The following RBM19 variants were observed in gnomAD, a reference collection of about 807,000 sequenced individuals.
The protein encoded by RBM19 is RNA binding motif protein 19, also known as probable RNA-binding protein 19.
RBM19 carries 94 observed loss-of-function variants against 116.8 expected under a neutral mutation model. The ratio of observed to expected loss-of-function variants is 0.80; its 90% CI spans 0.68 to 0.95. The LOEUF is 0.95. Ranked by LOEUF, RBM19 falls within the 40% of genes least tolerant of loss-of-function variation. The pLI, the probability that RBM19 is intolerant of heterozygous loss-of-function variation, is 0.00. For missense variants in RBM19, 1,161 were observed against 1,220.7 expected, an observed-to-expected ratio of 0.95 and a Z score of 0.73; for synonymous variants, 475 against 494.1, an observed-to-expected ratio of 0.96 and a Z score of 0.51.
At chr12:113,936,781 C>T in intron 16 of RBM19, 1 of 485,584 alleles carries the variant, frequency 2.1e-6, no homozygotes, top group Non-Finnish European at 3.5e-6. Context: ...ATTTTTTTCC[C>T]CTAAAAGCTT....
At chr12:113,962,960 T>C (rs1355272011) in intron 1 of RBM19, among the ~76,000 whole-genome samples, 3 of 152,112 alleles carry the variant, frequency 2.0e-5, no homozygotes, top group Non-Finnish European at 4.4e-5. Flanking sequence ...AGGGTCCTTA[T>C]GAGAGGGAGG....
intron 21 of RBM19, among the ~76,000 whole-genome samples, chr12:113,876,400 A>G (rs1565991443): frequency 1.3e-5 from 2 of 152,198 alleles, no homozygotes; most frequent in East Asian, 3.8e-4. Flanking sequence ...AAATGGGGAC[A>G]ATGGTCTCCA....
rs990310351 is a variant in RBM19 at position 113,915,145 on chromosome 12, A to G, written c.2442-60T>C. 5 of 1,316,708 alleles carry G rather than the reference A, an allele frequency of 3.8e-6. No homozygotes were observed. In the African/African-American group the frequency reaches 5.8e-5, roughly 15 times the overall value. The allele number at this position is 1,316,708 out of a possible 1,614,324, so 81.6% of individuals were successfully genotyped here. A position where few individuals can be genotyped will look rare whatever the true frequency, so the allele number is the denominator to read the frequency against. On this transcript the variant is annotated intron_variant, in intron 20 of 23. Transcript: ENST00000261741. ...GGAGCTTCAGCAGCTCCTGCCCAAC[A>G]TTGACTCCACTACGCCTCCATCAGA...
At chr12:113,955,514 A>G (rs1039676084) in intron 6 of RBM19, among the ~76,000 whole-genome samples, 1 of 145,430 alleles carries the variant, frequency 6.9e-6, no homozygotes, top group African/African-American at 2.7e-5. Context: ...GGAGCCCTGA[A>G]GAACGGGGTG....
At chr12:113,841,018 TCATCTTTGA>T (rs928542548) in intron 23 of RBM19, among the ~76,000 whole-genome samples, 1 of 152,202 alleles carries the variant, frequency 6.6e-6, no homozygotes, top group East Asian at 1.9e-4. Context: ...TCGTTAGTGC[TCATCTTTGA>T]CATACTCGGG....
chr12:113,846,999 C>T (rs1877039682), intron 22 of RBM19, among the ~76,000 whole-genome samples: 1 of 152,236 alleles, frequency 6.6e-6, no homozygotes, highest in Non-Finnish European at 1.5e-5. Context: ...AGGCCTGAGC[C>T]ACTGTACCCA....
At chr12:113,840,688 C>T (rs1480592560) in intron 23 of RBM19, among the ~76,000 whole-genome samples, 1 of 152,176 alleles carries the variant, frequency 6.6e-6, no homozygotes, top group East Asian at 1.9e-4. Context: ...GTCCCCAGCC[C>T]CTTCTTCCTG....
chr12:113,853,537 T>A (rs746052696), intron 22 of RBM19, among the ~76,000 whole-genome samples: 3 of 152,252 alleles, frequency 2.0e-5, no homozygotes, highest in Non-Finnish European at 4.4e-5. Context: ...GCTTCTGGGC[T>A]GCAAGTCTAT....
chr12:113,871,175 A>T (rs1879177551), intron 21 of RBM19, among the ~76,000 whole-genome samples: 1 of 152,260 alleles, frequency 6.6e-6, no homozygotes, highest in African/African-American at 2.4e-5. Context: ...AAGACTCCAG[A>T]GAAGCCAAAA....
chr12:113,858,850 C>G lies in RBM19; in HGVS notation c.2605G>C (p.Gly869Arg). Residue 869 changes from glycine (G) to arginine (R), a missense_variant, in exon 22 of 24, where the codon GGG (glycine) becomes CGG (arginine). By Grantham distance (125) the Gly-to-Arg change is moderately radical. Coordinates refer to ENST00000261741, the MANE Select transcript of RBM19 (RefSeq NM_016196.4). Reference sequence around the variant, plus strand: ...CCGAAGCCTCTGTGTGTGCCTGTCCCAGTCATCTTCTTTGGCAGGCGGACC... The same window carrying G: ...CCGAAGCCTCTGTGTGTGCCTGTCCGAGTCATCTTCTTTGGCAGGCGGACC... ...KTVRLPKKMTGTGTHRGFGFV... is the reference protein window; with the variant it reads ...KTVRLPKKMTRTGTHRGFGFV... 3.7e-6 allele frequency: 6 copies of G among 1,614,150 alleles called. No individual in the cohort carries two copies. The highest frequency in any genetic ancestry group is 5.1e-6 in the Non-Finnish European group (6 of 1,180,022).
Position 113,957,779 on chromosome 12 carries a change from C to G in RBM19, c.840+3G>C, listed in dbSNP as rs947877156. 8 of 1,576,916 alleles carry G rather than the reference C, an allele frequency of 5.1e-6. No individual in the cohort carries two copies. The highest frequency in any genetic ancestry group is 4.7e-5 in the South Asian group (4 of 84,352). Reference sequence around the variant, plus strand: ...CCTCATCACCTGCGGGATACACACGCACCTCGGCTCTGGCCTCCGGTGGTC... The same window carrying G: ...CCTCATCACCTGCGGGATACACACGGACCTCGGCTCTGGCCTCCGGTGGTC... On this transcript the variant is annotated splice_donor_region_variant and intron_variant, in intron 6 of 23. Transcript: ENST00000261741.
Position 113,909,696 on chromosome 12 carries a change from G to A in RBM19, c.2558+5273C>T, listed in dbSNP as rs112538467. Among the ~76,000 whole-genome samples, 155 of 152,208 alleles carry A rather than the reference G, an allele frequency of 1.0e-3. 1 individual carries two copies. The highest frequency in any genetic ancestry group is 3.5e-3 in the African/African-American group (147 of 41,522). Reference sequence around the variant, plus strand: ...GTGAGCCGGGGGACTCTGGAGTACTGTGTATATGGACAGGCTAAGCGTGAG... The same window carrying A: ...GTGAGCCGGGGGACTCTGGAGTACTATGTATATGGACAGGCTAAGCGTGAG... On this transcript the variant is annotated intron_variant, in intron 21 of 23. Coordinates refer to ENST00000261741, the MANE Select transcript of RBM19 (RefSeq NM_016196.4).
rs554510145 is a variant in RBM19 at position 113,853,039 on chromosome 12, A to T, written c.2664+5752T>A. 2.5e-3 allele frequency among the ~76,000 whole-genome samples: 374 copies of T among 152,274 alleles called. 3 individuals carry two copies. The highest frequency in any genetic ancestry group is 0.01 in the Middle Eastern group (3 of 292). On this transcript the variant is annotated intron_variant, in intron 22 of 23. Coordinates refer to ENST00000261741, the MANE Select transcript of RBM19 (RefSeq NM_016196.4). ...TCGCTCATCATTGGTCCCTTCCACT[A>T]CAGGTCCTGTTTGGCTAGAATCTGC...
chr12:113,834,937 A>G (rs555153397), intron 23 of RBM19, among the ~76,000 whole-genome samples: 2 of 152,332 alleles, frequency 1.3e-5, no homozygotes, highest in Admixed American at 1.3e-4. Flanking sequence ...CTCTCTGCAC[A>G]TGGTAGGTCC....
At chr12:113,964,710 T>G (rs1195688319) in intron 1 of RBM19, among the ~76,000 whole-genome samples, 2 of 152,166 alleles carry the variant, frequency 1.3e-5, no homozygotes, top group Non-Finnish European at 2.9e-5. Context: ...AGTTGAGGCC[T>G]AGCAGATAGT....
At chr12:113,932,854 C>T (rs1869726529) in intron 16 of RBM19, 1 of 151,306 alleles carries the variant, frequency 6.6e-6, no homozygotes, top group African/African-American at 2.4e-5. Context: ...GATCTAAAAG[C>T]AAGGTGGGCT....
rs1015289836 is a variant in RBM19 at position 113,946,428 on chromosome 12, G to A, written c.1455C>T (p.Ser485=). 3 of 1,614,098 alleles carry A rather than the reference G, an allele frequency of 1.9e-6. No individual in the cohort carries two copies. The highest frequency in any genetic ancestry group is 2.5e-6 in the Non-Finnish European group (3 of 1,180,004). Reference sequence around the variant, plus strand: ...ACGATCCCAGGGCACTGGCATCCTCGCTGGCTTCCTTCTTGATGGTAGATG... The same window carrying A: ...ACGATCCCAGGGCACTGGCATCCTCACTGGCTTCCTTCTTGATGGTAGATG... ...VLPSTIKKEA[S]EDASALGSSS... Residue 485 remains serine (S), a synonymous_variant, in exon 12 of 24, where the codon AGC becomes AGT. Transcript: ENST00000261741.
At chr12:113,832,959 G>A (rs1037218727) in intron 23 of RBM19, among the ~76,000 whole-genome samples, 6 of 152,250 alleles carry the variant, frequency 3.9e-5, no homozygotes, top group African/African-American at 1.4e-4. Flanking sequence ...TTAAGTTATG[G>A]AAGTGGGGAG....
At chr12:113,862,743 G>T (rs1333713787) in intron 21 of RBM19, among the ~76,000 whole-genome samples, 1 of 152,126 alleles carries the variant, frequency 6.6e-6, no homozygotes, top group Non-Finnish European at 1.5e-5. Flanking sequence ...GGGGGAAGGA[G>T]ATGCACACCA....
Sources: allele counts gnomAD v4.1 joint callset (sites outside exome capture counted in the v4.1 genomes callset), GRCh38; gene constraint gnomAD v4.1.1; transcripts MANE v1.5; gene names NCBI Gene and HGNC (gene_info 2026-07-23, HGNC 2026-07-21).